The following DAB1 variants were observed in gnomAD, a reference collection of about 807,000 sequenced individuals.
DAB1 encodes DAB adaptor protein 1.
In DAB1, 15 loss-of-function variants were observed where a neutral mutation model predicts 64.6. The ratio of observed to expected loss-of-function variants is 0.23; its 90% CI spans 0.16 to 0.36. The LOEUF (loss-of-function observed/expected upper bound fraction) is 0.36, where lower values mean the gene tolerates loss of function less well. Ranked by LOEUF, DAB1 falls within the 10% of genes least tolerant of loss-of-function variation. The pLI is 1.00. For missense variants in DAB1, 596 were observed against 706.7 expected (o/e 0.84, Z 1.78); for synonymous variants, 235 against 251.9 (o/e 0.93, Z 0.64).
intron 4 of DAB1, among the ~76,000 whole-genome samples, chr1:58,308,381 G>A (rs1662353788): frequency 6.6e-6 from 1 of 152,038 alleles, no homozygotes; most frequent in Non-Finnish European, 1.5e-5. Context: ...TGAGTATGGG[G>A]TTGGGGGGAG....
chr1:58,469,478 T>C (rs906924067), intron 3 of DAB1, among the ~76,000 whole-genome samples: 1 of 152,212 alleles, frequency 6.6e-6, no homozygotes, highest in African/African-American at 2.4e-5. Flanking sequence ...TTAGATGTAG[T>C]AATTTTTCTC....
At chr1:57,568,404 AC>A (rs1645149788) in intron 7 of DAB1, among the ~76,000 whole-genome samples, 1 of 152,242 alleles carries the variant, frequency 6.6e-6, no homozygotes, top group South Asian at 2.1e-4. Context: ...AGCAATGGCA[AC>A]AAAAGCCAAA....
At chr1:57,462,363 T>C (rs1455391109) in intron 7 of DAB1, among the ~76,000 whole-genome samples, 1 of 152,196 alleles carries the variant, frequency 6.6e-6, no homozygotes, top group Non-Finnish European at 1.5e-5. Context: ...GCCTTTGTTT[T>C]TTAAATCCAT....
intron 5 of DAB1, among the ~76,000 whole-genome samples, chr1:58,003,525 A>G (rs1299849121): frequency 1.3e-5 from 2 of 152,222 alleles, no homozygotes; most frequent in Non-Finnish European, 2.9e-5. Flanking sequence ...ATTGTCATTA[A>G]CCCAGCTTGT....
chr1:58,281,707 T>C (rs538772308), intron 4 of DAB1, among the ~76,000 whole-genome samples: 5 of 152,364 alleles, frequency 3.3e-5, no homozygotes, highest in African/African-American at 4.8e-5. Flanking sequence ...AAGCTACTTA[T>C]ACACTTCCTT....
At chr1:57,746,419 G>T (rs944812124) in intron 6 of DAB1, among the ~76,000 whole-genome samples, 1 of 152,016 alleles carries the variant, frequency 6.6e-6, no homozygotes, top group African/African-American at 2.4e-5. Flanking sequence ...ATGAGAAATT[G>T]TATTTTTTGT....
chr1:58,516,641 G>A (rs974237170), intron 2 of DAB1, among the ~76,000 whole-genome samples: 3 of 152,158 alleles, frequency 2.0e-5, no homozygotes, highest in Non-Finnish European at 4.4e-5. Flanking sequence ...GAACCCTAGG[G>A]AAAGTGGGCT....
chr1:57,687,616 A>AAAAAAAAAAAAAAC (rs1646716238), intron 6 of DAB1, among the ~76,000 whole-genome samples: 1 of 148,738 alleles, frequency 6.7e-6, no homozygotes, highest in Non-Finnish European at 1.5e-5. Flanking sequence ...AAAAAAAAAA[A>AAAAAAAAAAAAAAC]AAAGAAAAAA....
rs946780879 is a variant in DAB1, at chr1:57,162,099, T to C, written c.68-16670A>G. On this transcript the variant is annotated intron_variant, in intron 2 of 14. Coordinates refer to ENST00000371236, the MANE Select transcript of DAB1 (RefSeq NM_001365792.1). ...ATTCTTACTAAAGGCAGTGAAAAGA[T>C]GCATTTTCCCTGCGAGAATGCCTCC... Among the ~76,000 whole-genome samples the C allele has an allele frequency of 2.6e-5, 4 of 152,232 alleles. 1 individual carries two copies. The highest frequency in any genetic ancestry group is 4.4e-5 in the Non-Finnish European group (3 of 68,034).
chr1:58,440,075 G>A (rs1403331641), intron 3 of DAB1, among the ~76,000 whole-genome samples: 1 of 152,226 alleles, frequency 6.6e-6, no homozygotes, highest in African/African-American at 2.4e-5. Flanking sequence ...ACCCCCGCAA[G>A]AGACCTATCC....
intron 3 of DAB1, among the ~76,000 whole-genome samples, chr1:58,353,392 G>A (rs1204134566): frequency 1.3e-5 from 2 of 151,998 alleles, no homozygotes; most frequent in East Asian, 3.9e-4. Flanking sequence ...TTTCCCTTAG[G>A]CCTTCTGATA....
intron 6 of DAB1, among the ~76,000 whole-genome samples, chr1:57,694,101 G>T (rs1646796206): frequency 6.6e-6 from 1 of 152,098 alleles, no homozygotes; most frequent in South Asian, 2.1e-4. Flanking sequence ...AATCCATTTT[G>T]ATTTGATTTT....
chr1:57,135,323 G>T (rs921359318), intron 4 of DAB1, among the ~76,000 whole-genome samples: 1 of 152,096 alleles, frequency 6.6e-6, no homozygotes, highest in Non-Finnish European at 1.5e-5. Context: ...CTGTGACTAT[G>T]TTAAGTAATT....
intron 4 of DAB1, among the ~76,000 whole-genome samples, chr1:57,097,167 C>A (rs1654241545): frequency 6.6e-6 from 1 of 152,160 alleles, no homozygotes. Flanking sequence ...AATGAATGAG[C>A]AATATTTTTC....
intron 5 of DAB1, among the ~76,000 whole-genome samples, chr1:58,083,681 A>T (rs907884758): frequency 6.6e-6 from 1 of 152,266 alleles, no homozygotes; most frequent in African/African-American, 2.4e-5. Context: ...TGGTGAATAA[A>T]ATAGACAAAG....
intron 2 of DAB1, among the ~76,000 whole-genome samples, chr1:57,222,124 T>C (rs1459357734): frequency 2.0e-5 from 3 of 152,196 alleles, no homozygotes; most frequent in African/African-American, 2.4e-5. Context: ...TTTTTTTCTT[T>C]TCTAGCAGAA....
intron 1 of DAB1, among the ~76,000 whole-genome samples, chr1:57,849,173 T>C (rs1009335755): frequency 2.0e-5 from 3 of 152,280 alleles, no homozygotes; most frequent in Admixed American, 2.0e-4. Flanking sequence ...TGGAGCACTA[T>C]GTCCCCAGGA....
rs1279272714 is a variant in DAB1 at position 58,381,944 on chromosome 1, ACC to A, written n.258-38543_258-38542del. On this transcript the variant is annotated intron_variant and non_coding_transcript_variant, in intron 3 of 20. Coordinates refer to the DAB1 transcript ENST00000485760. ...CATCAAAGAAGTGAGACTGAATGAC[ACC>A]ATCAAAGAAGTGAGACTGAATGACA... 1.1e-4 allele frequency among the ~76,000 whole-genome samples: 16 copies of A among 152,268 alleles called. No homozygotes were observed. In the East Asian group the frequency reaches 3.1e-3, roughly 29 times the overall value.
chr1:58,251,279 A>G (rs948984997), intron 4 of DAB1, among the ~76,000 whole-genome samples: 4 of 152,228 alleles, frequency 2.6e-5, no homozygotes, highest in African/African-American at 9.7e-5. Context: ...GCCTACCTCT[A>G]CTTTATGGAG....
Sources: gnomAD v4.1 joint callset for allele counts (sites outside exome capture counted in the v4.1 genomes callset) on GRCh38, gnomAD v4.1.1 for gene constraint, MANE v1.5 for transcripts, NCBI Gene and HGNC (gene_info 2026-07-23, HGNC 2026-07-21) for gene names.